The following WWOX variants were observed in gnomAD, a reference collection of about 807,000 sequenced individuals.
The protein encoded by WWOX is WW domain-containing oxidoreductase.
In WWOX, 69 loss-of-function variants were observed where a neutral mutation model predicts 46.2. The ratio of observed to expected loss-of-function variants is 1.49; its 90% CI spans 1.23 to 1.82. WWOX has a LOEUF of 1.82. Among genes scored for constraint, WWOX ranks in the 40% most tolerant of loss-of-function variants. The probability of loss-of-function intolerance (pLI) is 0.00; values close to 1 mark genes in which losing one functional copy is unlikely to be tolerated. For missense variants in WWOX, 919 were observed against 542.6 expected (o/e 1.69, Z -6.89); for synonymous variants, 359 against 202.6 (o/e 1.77, Z -6.56).
intron 6 of WWOX, among the ~76,000 whole-genome samples, chr16:78,413,382 G>C (rs904035942): frequency 1.3e-5 from 2 of 152,306 alleles, no homozygotes; most frequent in East Asian, 3.9e-4. Flanking sequence ...GTCAGCAAAG[G>C]GTGATGGGAT....
intron 8 of WWOX, among the ~76,000 whole-genome samples, chr16:78,461,303 C>T (rs574326368): frequency 2.0e-5 from 3 of 152,200 alleles, no homozygotes; most frequent in Admixed American, 6.5e-5. Flanking sequence ...TCGTCTGCTG[C>T]TCTTGCACTG....
intron 8 of WWOX, among the ~76,000 whole-genome samples, chr16:78,805,086 C>A (rs1226189031): frequency 6.6e-6 from 1 of 152,166 alleles, no homozygotes; most frequent in Non-Finnish European, 1.5e-5. Flanking sequence ...TGCATGTGGT[C>A]TTGTACATGA....
At chr16:78,220,195 T>A (rs1021126673) in intron 5 of WWOX, among the ~76,000 whole-genome samples, 2 of 152,182 alleles carry the variant, frequency 1.3e-5, no homozygotes, top group Non-Finnish European at 2.9e-5. Flanking sequence ...GTTTCTTGAG[T>A]TGGAAATTGC....
intron 8 of WWOX, among the ~76,000 whole-genome samples, chr16:78,462,615 T>TCCAA (rs2083977949): frequency 6.6e-6 from 1 of 152,172 alleles, no homozygotes; most frequent in African/African-American, 2.4e-5. Flanking sequence ...GAGGTCCGTC[T>TCCAA]CCAAGTCGCC....
At chr16:78,477,004 C>T (rs906425094) in intron 8 of WWOX, among the ~76,000 whole-genome samples, 3 of 151,920 alleles carry the variant, frequency 2.0e-5, no homozygotes, top group South Asian at 4.2e-4. Context: ...ATTGTGTCTG[C>T]GCTTTTGTTG....
chr16:78,104,231 A>ACACAC (rs2031989143), intron 1 of WWOX, among the ~76,000 whole-genome samples: 13 of 130,224 alleles, frequency 1.0e-4, no homozygotes, highest in African/African-American at 3.5e-4. Context: ...CTGTGCTCAA[A>ACACAC]ACACACACAC....
At chr16:79,199,068 T>C (rs913279446) in intron 8 of WWOX, among the ~76,000 whole-genome samples, 7 of 152,164 alleles carry the variant, frequency 4.6e-5, no homozygotes, top group African/African-American at 1.7e-4. Context: ...GTTTTTATTT[T>C]ATTTTATTTT....
intron 5 of WWOX, among the ~76,000 whole-genome samples, chr16:78,304,100 T>C (rs1261088391): frequency 6.6e-6 from 1 of 152,174 alleles, no homozygotes; most frequent in Non-Finnish European, 1.5e-5. Flanking sequence ...CGGTGCTCCT[T>C]CTCCAAGAAA....
intron 8 of WWOX, among the ~76,000 whole-genome samples, chr16:79,194,382 C>A (rs1380675541): frequency 6.6e-6 from 1 of 152,104 alleles, no homozygotes; most frequent in African/African-American, 2.4e-5. Flanking sequence ...TACCTGGAAC[C>A]CCTCTCAGTG....
At position 78,757,061 on chromosome 16, in the gene WWOX, C is replaced by A. The variant is rs1310317463; in HGVS notation, c.1056+324309C>A. 5 of 702,238 alleles carry A rather than the reference C, an allele frequency of 7.1e-6. 1 individual carries two copies. The highest frequency in any genetic ancestry group is 1.5e-5 in the South Asian group (1 of 67,522). 43.5% of individuals were successfully genotyped at this position (702,238 alleles called of 1,614,324 possible). On this transcript the variant is annotated intron_variant, in intron 8 of 8. Coordinates refer to ENST00000566780, the MANE Select transcript of WWOX (RefSeq NM_016373.4). The stretch of plus-strand genomic sequence containing the variant: ...GTTGATTCTGCAGCCCTAGTTAAGC[C>A]TTGAGGTGATTGCAGCCTTTGCTGC...
chr16:79,027,279 C>CA (rs57848394), intron 8 of WWOX, among the ~76,000 whole-genome samples: 23,096 of 125,392 alleles, frequency 0.18, 2,403 homozygotes, highest in South Asian at 0.25. Flanking sequence ...GACTCCATCT[C>CA]AAAAAAAAAA....
At chr16:78,951,279 C>T (rs1171748903) in intron 8 of WWOX, among the ~76,000 whole-genome samples, 4 of 152,176 alleles carry the variant, frequency 2.6e-5, no homozygotes, top group African/African-American at 4.8e-5. Context: ...ACATGGCCAG[C>T]ATGCGCCCAT....
chr16:79,109,389 G>A (rs994990976), intron 8 of WWOX, among the ~76,000 whole-genome samples: 2 of 152,120 alleles, frequency 1.3e-5, no homozygotes, highest in Admixed American at 6.5e-5. Context: ...TGTCTCCGGA[G>A]TTTAATGGAT....
chr16:78,465,092 C>T (rs1476652424), intron 8 of WWOX, among the ~76,000 whole-genome samples: 1 of 152,130 alleles, frequency 6.6e-6, no homozygotes, highest in Non-Finnish European at 1.5e-5. Flanking sequence ...AAGGGAACAG[C>T]ACAGGCAGAT....
intron 5 of WWOX, among the ~76,000 whole-genome samples, chr16:78,173,425 A>T (rs1218214100): frequency 6.7e-6 from 1 of 149,866 alleles, no homozygotes; most frequent in Non-Finnish European, 1.5e-5. Context: ...AGTAGCTGGG[A>T]CTACAGGCTT....
intron 8 of WWOX, among the ~76,000 whole-genome samples, chr16:78,920,296 G>T (rs536694278): frequency 7.2e-5 from 11 of 152,322 alleles, no homozygotes; most frequent in Admixed American, 3.3e-4. Flanking sequence ...TCACTCTGGG[G>T]CAGGGATGTG....
chr16:78,480,081 C>G (rs1441258551), intron 8 of WWOX, among the ~76,000 whole-genome samples: 1 of 152,138 alleles, frequency 6.6e-6, no homozygotes, highest in Admixed American at 6.5e-5. Flanking sequence ...TATGGAGTGT[C>G]AGAAATAGTG....
intron 8 of WWOX, among the ~76,000 whole-genome samples, chr16:79,200,834 C>A (rs972939948): frequency 6.6e-6 from 1 of 152,094 alleles, no homozygotes; most frequent in African/African-American, 2.4e-5. Flanking sequence ...GGTGCTGGGG[C>A]CAGGTGACAG....
chr16:79,008,135 G>C (rs781130494), intron 8 of WWOX, among the ~76,000 whole-genome samples: 1 of 152,132 alleles, frequency 6.6e-6, no homozygotes, highest in Non-Finnish European at 1.5e-5. Context: ...GTAACTGTAG[G>C]ACTGAGGTGC....
Sources: gnomAD v4.1 joint callset for allele counts (sites outside exome capture counted in the v4.1 genomes callset) on GRCh38, gnomAD v4.1.1 for gene constraint, MANE v1.5 for transcripts, NCBI Gene and HGNC (gene_info 2026-07-23, HGNC 2026-07-21) for gene names.